Variants in UBR1 observed in about 807,000 individuals in gnomAD.
UBR1 encodes the protein ubiquitin protein ligase E3 component n-recognin 1.
In UBR1, 102 loss-of-function variants were observed where a neutral mutation model predicts 242.1. The ratio of observed to expected loss-of-function variants is 0.42; its 90% CI spans 0.36 to 0.50. The LOEUF (loss-of-function observed/expected upper bound fraction) is 0.50, where lower values mean the gene tolerates loss of function less well. UBR1 is among the 20% of genes least tolerant of loss of function. UBR1 has a pLI of 0.01. For synonymous variants in UBR1, 675 were observed against 684.8 expected, an observed-to-expected ratio of 0.99 and a Z score of 0.22; for missense variants, 1,772 against 2,101.8, an observed-to-expected ratio of 0.84 and a Z score of 3.07.
intron 16 of UBR1, 37 bp downstream of exon 16, chr15:43,038,132 CAG>C: frequency 1.2e-6 from 2 of 1,604,718 alleles, no homozygotes; most frequent in Non-Finnish European, 8.5e-7. Flanking sequence ...TATTCAGAAA[CAG>C]AATATAAGCA....
At chr15:42,987,235 T>C (rs1177806783) in intron 35 of UBR1, among the ~76,000 whole-genome samples, 1 of 152,162 alleles carries the variant, frequency 6.6e-6, no homozygotes, top group Non-Finnish European at 1.5e-5. Flanking sequence ...TTAAGATCAA[T>C]GTAGGCGGAG....
chr15:43,007,852 T>C (rs918118568), intron 29 of UBR1, among the ~76,000 whole-genome samples: 12 of 152,338 alleles, frequency 7.9e-5, no homozygotes, highest in Admixed American at 3.9e-4. Flanking sequence ...TGTGCCATAA[T>C]AGTTTTTATC....
intron 12 of UBR1, among the ~76,000 whole-genome samples, chr15:43,053,739 T>C (rs2141332086): frequency 6.6e-6 from 1 of 152,186 alleles, no homozygotes; most frequent in Middle Eastern, 3.4e-3. Context: ...AATAGAGGCT[T>C]GCACTGCTGT....
chr15:43,049,193 C>CA (rs1249812284), intron 12 of UBR1, among the ~76,000 whole-genome samples: 1 of 152,172 alleles, frequency 6.6e-6, no homozygotes, highest in East Asian at 1.9e-4. Flanking sequence ...AACATGGACA[C>CA]ACCTGTCCTG....
At chr15:43,053,823 C>G (rs963122662) in intron 12 of UBR1, among the ~76,000 whole-genome samples, 27 of 148,060 alleles carry the variant, frequency 1.8e-4, no homozygotes, top group African/African-American at 6.6e-4. Context: ...CTGATACAGA[C>G]GCAATTTTTT....
intron 39 of UBR1, among the ~76,000 whole-genome samples, chr15:42,973,523 G>A (rs1362244620): frequency 1.3e-5 from 2 of 152,072 alleles, no homozygotes; most frequent in East Asian, 1.9e-4. Flanking sequence ...TCAAACTCCC[G>A]GCTGAAGTGA....
intron 39 of UBR1, 145 bp downstream of exon 39, chr15:42,976,572 G>T: frequency 1.1e-6 from 1 of 929,490 alleles, no homozygotes; most frequent in Non-Finnish European, 1.6e-6. Flanking sequence ...TGTTTAAACA[G>T]TATCCATTAA....
intron 1 of UBR1, among the ~76,000 whole-genome samples, chr15:43,097,743 C>T (rs760839813): frequency 8.5e-5 from 13 of 152,202 alleles, no homozygotes; most frequent in African/African-American, 2.2e-4. Context: ...TCTCAGCCTT[C>T]GGAGAACTGA....
At chr15:43,051,619 G>T (rs2033556714) in intron 12 of UBR1, among the ~76,000 whole-genome samples, 1 of 152,148 alleles carries the variant, frequency 6.6e-6, no homozygotes, top group Non-Finnish European at 1.5e-5. Flanking sequence ...CAGATGATTT[G>T]CATTCACATT....
At chr15:42,976,963 GTGTT>G (rs2032300443) in intron 38 of UBR1, 96 bp from the exon 39 acceptor site, 1 of 1,276,426 alleles carries the variant, frequency 7.8e-7, no homozygotes, top group Non-Finnish European at 1.1e-6. Context: ...ATGCTACACA[GTGTT>G]TGTGTGTGTG....
chr15:43,019,710 G>C (rs946057518), intron 27 of UBR1, among the ~76,000 whole-genome samples: 10 of 149,880 alleles, frequency 6.7e-5, no homozygotes, highest in Non-Finnish European at 1.3e-4. Context: ...AGCCTCCTGA[G>C]TAGCTGGGAT....
intron 35 of UBR1, 195 bp downstream of exon 35, chr15:42,988,624 A>G: frequency 1.4e-6 from 1 of 719,272 alleles, no homozygotes; most frequent in Non-Finnish European, 2.3e-6. Flanking sequence ...TATGGCCACA[A>G]TCATAGTTAA....
Position 43,074,984 on chromosome 15 carries a change from T to C in UBR1, c.523A>G (p.Lys175Glu), listed in dbSNP as rs773755976. Residue 175 changes from lysine to glutamate, a missense_variant, in exon 4 of 47, where the codon AAA becomes GAA. This residue lies in a region of UBR1 where 734 missense variants were observed against 893.3 expected (regional missense o/e 0.82). Transcript: ENST00000290650. ...NHEPGRAGTI[K>E]ENSRCPLNEE... Reference sequence around the variant, plus strand: ...TAACAAAATAGCATTCTTACCTCTTTTATAGTACCTGCTCTTCCAGGTTCA... The same window carrying C: ...TAACAAAATAGCATTCTTACCTCTTCTATAGTACCTGCTCTTCCAGGTTCA... 3.1e-6 allele frequency: 5 copies of C among 1,611,780 alleles called. No individual in the cohort carries two copies. The highest frequency in any genetic ancestry group is 2.2e-5 in the East Asian group (1 of 44,832).
chr15:42,986,022 A>G (rs2032454326), intron 35 of UBR1, among the ~76,000 whole-genome samples: 1 of 151,906 alleles, frequency 6.6e-6, no homozygotes, highest in Non-Finnish European at 1.5e-5. Flanking sequence ...AGAGAAAGAA[A>G]AAGAGAAAAT....
At chr15:42,966,908 A>C (rs2032114604) in intron 40 of UBR1, among the ~76,000 whole-genome samples, 1 of 151,970 alleles carries the variant, frequency 6.6e-6, no homozygotes, top group Non-Finnish European at 1.5e-5. Context: ...TATACTCTTT[A>C]TTTTCAAATT....
chr15:42,946,269 T>C (rs762607370), intron 46 of UBR1, among the ~76,000 whole-genome samples: 1 of 151,952 alleles, frequency 6.6e-6, no homozygotes, highest in African/African-American at 2.4e-5. Context: ...GGATTACAGG[T>C]GCCCGCCACG....
intron 10 of UBR1, among the ~76,000 whole-genome samples, chr15:43,057,147 G>A (rs534216111): frequency 6.6e-6 from 1 of 152,212 alleles, no homozygotes; most frequent in East Asian, 1.9e-4. Context: ...TTTTGTATAA[G>A]AAAACAAAAT....
chr15:42,990,092 A>G lies in UBR1; in HGVS notation c.3786T>C (p.Asn1262=), dbSNP rs1371929500. 4.4e-6 allele frequency: 7 copies of G among 1,603,562 alleles called. No individual in the cohort carries two copies. Among genetic ancestry groups the G allele is most frequent in the Non-Finnish European group, 6.0e-6 (7 of 1,173,676 alleles). Residue 1262 remains asparagine, a synonymous_variant, in exon 34 of 47, where the codon AAT becomes AAC. Coordinates refer to ENST00000290650, the MANE Select transcript of UBR1 (RefSeq NM_174916.3). ...CCAAAGTAGAATCTCCCATTCCTTG[A>G]TTAAAGAAAATAGGAATTGGGTTTT... The part of the protein sequence containing the change: ...KGENPIPIFF[N]QGMGDSTLEF...
chr15:43,020,340 C>G (rs2033093140), intron 27 of UBR1, among the ~76,000 whole-genome samples: 1 of 152,190 alleles, frequency 6.6e-6, no homozygotes, highest in Non-Finnish European at 1.5e-5. Context: ...CATGCCCAGC[C>G]TCATCTTTGA....
Sources: allele counts gnomAD v4.1 joint callset (sites outside exome capture counted in the v4.1 genomes callset), GRCh38; gene constraint gnomAD v4.1.1; regional missense constraint gnomAD v4.1.1; transcripts MANE v1.5; gene names NCBI Gene and HGNC (gene_info 2026-07-23, HGNC 2026-07-21).